The following NPAS3 variants were observed in gnomAD, a reference collection of about 807,000 sequenced individuals.
NPAS3 encodes the protein neuronal PAS domain-containing protein 3.
A neutral mutation model predicts 73.1 loss-of-function variants in NPAS3; 14 were observed. The ratio of observed to expected loss-of-function variants is 0.19; its 90% confidence interval spans 0.13 to 0.30. The LOEUF is 0.30. Ranked by LOEUF, NPAS3 falls within the 10% of genes least tolerant of loss-of-function variation. The pLI, the probability that NPAS3 is intolerant of heterozygous loss-of-function variation, is 1.00. For synonymous variants in NPAS3, 620 were observed against 541.5 expected, an observed-to-expected ratio of 1.14 and a Z score of -2.01; for missense variants, 1,096 against 1,250.0, an observed-to-expected ratio of 0.88 and a Z score of 1.86.
intron 4 of NPAS3, among the ~76,000 whole-genome samples, chr14:33,372,408 T>A (rs2046129638): frequency 6.6e-6 from 1 of 152,198 alleles, no homozygotes; most frequent in Non-Finnish European, 1.5e-5. Flanking sequence ...CCCTTAAAAT[T>A]TGATTACTTT....
chr14:33,213,009 A>G (rs1447815312), intron 2 of NPAS3, among the ~76,000 whole-genome samples: 1 of 152,202 alleles, frequency 6.6e-6, no homozygotes, highest in African/African-American at 2.4e-5. Flanking sequence ...AAAATTGGGA[A>G]ATGGCATATA....
rs1165991640 is a variant in NPAS3, at chr14:33,588,057, A to G, written c.558+27847A>G. On this transcript the variant is annotated intron_variant, in intron 5 of 11. Transcript: ENST00000356141. The stretch of plus-strand genomic sequence containing the variant: ...CTAAAATGAAAGGTTTTACCCTATC[A>G]TGTAATTACTGTTGTAAAAATAAAG... 2.6e-5 allele frequency among the ~76,000 whole-genome samples: 4 copies of G among 152,232 alleles called. No individual in the cohort carries two copies. In the South Asian group the frequency reaches 6.2e-4, roughly 24 times the overall value.
intron 5 of NPAS3, among the ~76,000 whole-genome samples, chr14:33,600,142 T>C (rs958989974): frequency 7.9e-5 from 12 of 152,206 alleles, no homozygotes; most frequent in Admixed American, 4.6e-4. Context: ...AGCTCGATTC[T>C]GAATATTTCC....
At chr14:33,258,221 C>T (rs191612897) in intron 3 of NPAS3, among the ~76,000 whole-genome samples, 20 of 152,134 alleles carry the variant, frequency 1.3e-4, no homozygotes, top group African/African-American at 1.4e-4. Context: ...ACACGTTAAA[C>T]CTCCATATCT....
chr14:33,208,757 T>G (rs1219651726), intron 2 of NPAS3, among the ~76,000 whole-genome samples: 1 of 152,210 alleles, frequency 6.6e-6, no homozygotes, highest in African/African-American at 2.4e-5. Flanking sequence ...AAGCTTAATA[T>G]ATCCTGAGTT....
intron 1 of NPAS3, among the ~76,000 whole-genome samples, chr14:32,961,890 G>A (rs2139229026): frequency 6.6e-6 from 1 of 152,230 alleles, no homozygotes; most frequent in African/African-American, 2.4e-5. Flanking sequence ...GAATACAGTG[G>A]CTTGGAAGTT....
chr14:33,176,161 A>G (rs542260451), intron 2 of NPAS3, among the ~76,000 whole-genome samples: 1 of 152,332 alleles, frequency 6.6e-6, no homozygotes, highest in African/African-American at 2.4e-5. Context: ...AAATTATGCC[A>G]GAGAACAACC....
At chr14:33,216,553 G>A (rs1261259626) in intron 3 of NPAS3, among the ~76,000 whole-genome samples, 1 of 152,144 alleles carries the variant, frequency 6.6e-6, no homozygotes, top group African/African-American at 2.4e-5. Flanking sequence ...ATTGTAACAG[G>A]TTATTTTCTT....
intron 4 of NPAS3, among the ~76,000 whole-genome samples, chr14:33,522,723 C>T (rs2053611265): frequency 6.6e-6 from 1 of 152,050 alleles, no homozygotes; most frequent in Non-Finnish European, 1.5e-5. Context: ...ATATATCCCA[C>T]CCTACTCCTT....
At chr14:33,446,245 G>A (rs1465914182) in intron 4 of NPAS3, among the ~76,000 whole-genome samples, 7 of 141,572 alleles carry the variant, frequency 4.9e-5, no homozygotes, top group East Asian at 4.4e-4. Context: ...GCGCAATCTC[G>A]GCTCACTGCA....
rs555231427 is a variant in NPAS3 at position 33,095,669 on chromosome 14, T to A, written c.140+39675T>A. On this transcript the variant is annotated intron_variant, in intron 2 of 11. Coordinates refer to ENST00000356141, the Ensembl canonical transcript of NPAS3. Reference sequence around the variant, plus strand: ...TGGGCATTCTCTGCTTTTATTTTTTTATTTTTTTTTTTTTTTTGAGAGGGA... The same window carrying A: ...TGGGCATTCTCTGCTTTTATTTTTTAATTTTTTTTTTTTTTTTGAGAGGGA... Among the ~76,000 whole-genome samples the A allele has an allele frequency of 8.5e-4, 57 of 67,258 alleles. 2 individuals are homozygous for A. In the South Asian group the frequency reaches 0.014, roughly 17 times the overall value. 44.1% of individuals were successfully genotyped at this position (67,258 alleles called of 152,430 possible).
At chr14:33,329,352 G>C (rs537262447) in intron 3 of NPAS3, among the ~76,000 whole-genome samples, 1 of 152,174 alleles carries the variant, frequency 6.6e-6, no homozygotes. Context: ...GTACGATGAA[G>C]AAATGAAGCC....
At chr14:33,140,740 TTTC>T (rs1312108806) in intron 2 of NPAS3, among the ~76,000 whole-genome samples, 1 of 152,170 alleles carries the variant, frequency 6.6e-6, no homozygotes, top group African/African-American at 2.4e-5. Context: ...AATTCCTCCT[TTTC>T]TTGCTGTAGA....
At position 33,146,691 on chromosome 14, in the gene NPAS3, C is replaced by T. The variant is rs997051502; in HGVS notation, c.141-68491C>T. Reference sequence around the variant, plus strand: ...TCTTATTCACCTTTGCAGTACAGTGCCTAGCACAGTTTCAGACACCTAAAC... The same window carrying T: ...TCTTATTCACCTTTGCAGTACAGTGTCTAGCACAGTTTCAGACACCTAAAC... On this transcript the variant is annotated intron_variant, in intron 2 of 11. Transcript: ENST00000356141. Among the ~76,000 whole-genome samples the T allele has an allele frequency of 3.3e-5, 5 of 152,254 alleles. No homozygotes were observed. In the South Asian group the frequency reaches 1.0e-3, roughly 32 times the overall value.
chr14:33,452,899 G>A (rs899210936), intron 4 of NPAS3, among the ~76,000 whole-genome samples: 1 of 151,556 alleles, frequency 6.6e-6, no homozygotes, highest in Admixed American at 6.6e-5. Flanking sequence ...CTATTCAAGT[G>A]TAAGCTCCCT....
chr14:33,014,285 A>T (rs978111994), intron 1 of NPAS3, among the ~76,000 whole-genome samples: 1 of 152,170 alleles, frequency 6.6e-6, no homozygotes, highest in Non-Finnish European at 1.5e-5. Flanking sequence ...TATCGAGAAT[A>T]TTTGTTCAAA....
At chr14:33,492,642 G>T (rs2051959507) in intron 4 of NPAS3, among the ~76,000 whole-genome samples, 1 of 152,176 alleles carries the variant, frequency 6.6e-6, no homozygotes, top group African/African-American at 2.4e-5. Context: ...ACATGGTTTG[G>T]CTCCTCTTGG....
intron 1 of NPAS3, among the ~76,000 whole-genome samples, chr14:32,990,235 A>G (rs1246975725): frequency 6.6e-6 from 1 of 152,204 alleles, no homozygotes; most frequent in Non-Finnish European, 1.5e-5. Flanking sequence ...AATGGAATGT[A>G]TTTGATAAGC....
intron 4 of NPAS3, among the ~76,000 whole-genome samples, chr14:33,443,551 C>G (rs2049346598): frequency 6.6e-6 from 1 of 152,164 alleles, no homozygotes; most frequent in Non-Finnish European, 1.5e-5. Context: ...GGTGCTCACC[C>G]CCTCCACACA....
Sources: gnomAD v4.1 joint callset for allele counts (sites outside exome capture counted in the v4.1 genomes callset) on GRCh38, gnomAD v4.1.1 for gene constraint, MANE v1.5 for transcripts, NCBI Gene and HGNC (gene_info 2026-07-23, HGNC 2026-07-21) for gene names.